RHOU: variants seen among roughly 807,000 people sequenced by gnomAD.
RHOU encodes ras homolog family member U, also known as rho-related GTP-binding protein RhoU.
Under a neutral mutation model 12.6 loss-of-function variants are expected in RHOU, and 8 were observed. That is an observed-to-expected ratio of 0.64 (90% CI 0.37 to 1.15). The LOEUF is 1.15. Ranked by LOEUF, RHOU falls within the 50% of genes most tolerant of loss-of-function variation. The pLI, the probability that RHOU is intolerant of heterozygous loss-of-function variation, is 0.01. For missense variants in RHOU, 258 were observed against 347.0 expected (o/e 0.74, Z 2.04); for synonymous variants, 161 against 147.4 (o/e 1.09, Z -0.67).
chr1:228,669,030 A>G, the RHOU span, among the ~76,000 whole-genome samples: 9 of 152,234 alleles, frequency 5.9e-5, no homozygotes, highest in Non-Finnish European at 1.3e-4. Context: ...CGATGTAGGA[A>G]GTGGGTGTCC....
the RHOU span, among the ~76,000 whole-genome samples, chr1:228,722,408 C>T: frequency 6.6e-6 from 1 of 152,120 alleles, no homozygotes; most frequent in Non-Finnish European, 1.5e-5. Context: ...AAACTCTGAA[C>T]TTACACCTCT....
the RHOU span, among the ~76,000 whole-genome samples, chr1:228,660,966 G>A: frequency 6.0e-5 from 9 of 149,682 alleles, no homozygotes; most frequent in Non-Finnish European, 1.3e-4. Flanking sequence ...TCCTTAAGCT[G>A]ATAAGCAACT....
At chr1:228,651,417 C>T in the RHOU span, 4 of 154,420 alleles carry the variant, frequency 2.6e-5, no homozygotes, top group Admixed American at 2.0e-4. Flanking sequence ...CCAAGAGCAG[C>T]TATGACTTTT....
the RHOU span, among the ~76,000 whole-genome samples, chr1:228,674,896 A>T: frequency 6.6e-6 from 1 of 151,712 alleles, no homozygotes; most frequent in African/African-American, 2.4e-5. Flanking sequence ...ATGCCCGGCT[A>T]ATTTTTTGTA....
chr1:228,646,910 A>G, the RHOU span, among the ~76,000 whole-genome samples: 3 of 152,032 alleles, frequency 2.0e-5, no homozygotes, highest in Non-Finnish European at 2.9e-5. Context: ...AGCGATCGAG[A>G]GAGACCGGAG....
chr1:228,650,480 T>A, the RHOU span: 1 of 456,426 alleles, frequency 2.2e-6, no homozygotes, highest in African/African-American at 2.0e-5. Flanking sequence ...GAGGGCAGCA[T>A]CCTGGTGGCC....
At chr1:228,706,681 A>G in the RHOU span, among the ~76,000 whole-genome samples, 2 of 152,250 alleles carry the variant, frequency 1.3e-5, no homozygotes, top group South Asian at 4.1e-4. Flanking sequence ...ATTCCTTTCT[A>G]GGTATTTTAT....
the RHOU span, among the ~76,000 whole-genome samples, chr1:228,681,257 C>A: frequency 6.6e-6 from 1 of 152,014 alleles, no homozygotes; most frequent in Non-Finnish European, 1.5e-5. Context: ...GAGAGCTAGT[C>A]GCAGAATGAA....
At chr1:228,672,057 CTT>C in the RHOU span, among the ~76,000 whole-genome samples, 2 of 152,192 alleles carry the variant, frequency 1.3e-5, no homozygotes, top group African/African-American at 4.8e-5. Flanking sequence ...GTTCCTGAAA[CTT>C]AAGTGAATGG....
chr1:228,656,512 A>T, the RHOU span, among the ~76,000 whole-genome samples: 2 of 152,208 alleles, frequency 1.3e-5, no homozygotes, highest in African/African-American at 2.4e-5. Context: ...GACCCATAAT[A>T]CATAAACATG....
the RHOU span, among the ~76,000 whole-genome samples, chr1:228,705,091 C>G: frequency 6.6e-6 from 1 of 151,894 alleles, no homozygotes; most frequent in East Asian, 1.9e-4. Flanking sequence ...CATGAGCCAC[C>G]ACACCTGGCC....
the RHOU span, among the ~76,000 whole-genome samples, chr1:228,712,351 A>G: frequency 0.011 from 1,709 of 149,724 alleles, 27 homozygotes; most frequent in African/African-American, 0.041. Context: ...CTATAAAGAC[A>G]CATGCACATG....
At chr1:228,647,877 A>C in the RHOU span, 1 of 152,404 alleles carries the variant, frequency 6.6e-6, no homozygotes, top group African/African-American at 2.4e-5. Flanking sequence ...TACGGCGACC[A>C]AACGGTAAAG....
At position 228,744,820 on chromosome 1, in the gene RHOU, T is replaced by C. The variant is rs1050515249; in HGVS notation, c.*1080T>C. On this transcript the variant is annotated 3_prime_UTR_variant, in exon 3 of 3. Transcript: ENST00000366691. Reference sequence around the variant, plus strand: ...GCTGTTGATTCAGACTTTCACACCATTAATGGGGAAAAGCGTGGCCACAAA... The same window carrying C: ...GCTGTTGATTCAGACTTTCACACCACTAATGGGGAAAAGCGTGGCCACAAA... 1 of 152,332 alleles carries C rather than the reference T, an allele frequency of 6.6e-6. No individual in the cohort carries two copies. Among genetic ancestry groups the C allele is most frequent in the African/African-American group, 2.4e-5 (1 of 41,584 alleles). The allele number at this position is 152,332 out of a possible 1,614,324, so 9.4% of individuals were successfully genotyped here. A position where few individuals can be genotyped will look rare whatever the true frequency, so the allele number is the denominator to read the frequency against.
chr1:228,737,607 A>C lies in RHOU; in HGVS notation c.263-66A>C, dbSNP rs758588118. ...GAGTGAGAATGATAGTGAAAGCTAA[A>C]ACTATTAGTATTCCGAAAGGGGTTA... is the stretch of plus-strand genomic sequence containing the variant. On this transcript the variant is annotated intron_variant, in intron 1 of 2. Transcript: ENST00000366691. This position sits in a 1 kb window ranked among gnomAD's most constrained non-coding sequence, Gnocchi z 4.1. 105 of 1,441,618 alleles carry C rather than the reference A, an allele frequency of 7.3e-5. No homozygotes were observed. The highest frequency in any genetic ancestry group is 9.4e-5 in the Non-Finnish European group (96 of 1,023,120). The allele number at this position is 1,441,618 out of a possible 1,614,324, so 89.3% of individuals were successfully genotyped here.
At chr1:228,718,888 G>A in the RHOU span, among the ~76,000 whole-genome samples, 3 of 152,208 alleles carry the variant, frequency 2.0e-5, no homozygotes, top group African/African-American at 7.2e-5. Context: ...ACTAGGCAGG[G>A]AAGCAGGTTT....
the RHOU span, among the ~76,000 whole-genome samples, chr1:228,658,215 G>T: frequency 1.3e-5 from 2 of 150,382 alleles, no homozygotes; most frequent in Admixed American, 1.3e-4. Flanking sequence ...GGGAGGTCAA[G>T]GCTGCAGTGA....
the RHOU span, among the ~76,000 whole-genome samples, chr1:228,702,229 ATTAATAC>A: frequency 2.6e-5 from 4 of 152,204 alleles, no homozygotes; most frequent in African/African-American, 9.6e-5. Context: ...TGAAAAGAAT[ATTAATAC>A]TATGATACAA....
At position 228,743,333 on chromosome 1, in the gene RHOU, T is replaced by C. The variant is rs61758712; in HGVS notation, c.370T>C (p.Phe124Leu). 85 of 1,614,102 alleles carry C rather than the reference T, an allele frequency of 5.3e-5. No individual in the cohort carries two copies. Among genetic ancestry groups the C allele is most frequent in the Non-Finnish European group, 6.4e-5 (76 of 1,180,048 alleles). Residue 124 changes from phenylalanine (F) to leucine (L), a missense_variant, in exon 3 of 3, where the codon TTC (phenylalanine) becomes CTC (leucine). Phe to Leu is a conservative substitution (Grantham distance 22). Coordinates refer to ENST00000366691, the MANE Select transcript of RHOU (RefSeq NM_021205.6). This position sits in a 1 kb window ranked among gnomAD's most constrained non-coding sequence, Gnocchi z 5.1. The stretch of plus-strand genomic sequence containing the variant: ...TCTCTGCTACACCAACACAGACATC[T>C]TCCTGCTCTGCTTCAGTGTCGTGAG... The part of the protein sequence containing the change: ...RPLCYTNTDI[F>L]LLCFSVVSPS...
Sources: allele counts gnomAD v4.1 joint callset (sites outside exome capture counted in the v4.1 genomes callset), GRCh38; gene constraint gnomAD v4.1.1; non-coding constraint Gnocchi (gnomAD v3.1); transcripts MANE v1.5; gene names NCBI Gene and HGNC (gene_info 2026-07-23, HGNC 2026-07-21).